CPVL: variants seen among roughly 807,000 people sequenced by gnomAD.
The protein encoded by CPVL is probable serine carboxypeptidase CPVL.
In CPVL, 51 loss-of-function variants were observed where a neutral mutation model predicts 63.7. The ratio of observed to expected loss-of-function variants is 0.80; its 90% CI spans 0.64 to 1.01. CPVL has a LOEUF of 1.01. CPVL is among the 50% of genes least tolerant of loss of function. CPVL has a pLI of 0.00. For missense variants in CPVL, 530 were observed against 573.1 expected, an observed-to-expected ratio of 0.92 and a Z score of 0.77; for synonymous variants, 195 against 206.0, an observed-to-expected ratio of 0.95 and a Z score of 0.46.
chr7:29,181,594 A>G (rs1307231624), intron 4 of CPVL, among the ~76,000 whole-genome samples: 1 of 152,346 alleles, frequency 6.6e-6, no homozygotes, highest in East Asian at 1.9e-4. Context: ...TCACATTAGG[A>G]ATCTATAAGA....
intron 7 of CPVL, among the ~76,000 whole-genome samples, chr7:29,083,304 T>A (rs1472224013): frequency 1.3e-5 from 2 of 152,246 alleles, no homozygotes; most frequent in East Asian, 3.8e-4. Context: ...TGGATCTTCC[T>A]CTGGAGACCA....
chr7:29,124,925 G>A (rs1263909188), intron 1 of CPVL: 3 of 152,056 alleles, frequency 2.0e-5, no homozygotes, highest in African/African-American at 7.2e-5. Context: ...ACCTGGGTAT[G>A]ACCTCTTCTG....
At chr7:29,004,280 G>A (rs1426510848) in intron 12 of CPVL, among the ~76,000 whole-genome samples, 2 of 152,176 alleles carry the variant, frequency 1.3e-5, no homozygotes, top group African/African-American at 4.8e-5. Context: ...ACTCAAATGA[G>A]AAGAAATCTT....
At chr7:29,093,422 A>G (rs1197428884) in intron 5 of CPVL, among the ~76,000 whole-genome samples, 1 of 151,576 alleles carries the variant, frequency 6.6e-6, no homozygotes, top group Non-Finnish European at 1.5e-5. Context: ...TAGGCTGAAG[A>G]AAAAGGTAGT....
intron 5 of CPVL, among the ~76,000 whole-genome samples, chr7:29,175,742 G>A (rs1290358755): frequency 6.6e-6 from 1 of 151,976 alleles, no homozygotes; most frequent in Non-Finnish European, 1.5e-5. Flanking sequence ...CCCAAGCGGA[G>A]CACAGGGAAA....
chr7:29,188,842 T>G (rs1799034859), intron 1 of CPVL, among the ~76,000 whole-genome samples: 2 of 152,186 alleles, frequency 1.3e-5, no homozygotes, highest in African/African-American at 4.8e-5. Flanking sequence ...AAATCATTTC[T>G]ATAGCTATTT....
intron 5 of CPVL, among the ~76,000 whole-genome samples, chr7:29,171,035 A>G (rs918212612): frequency 2.0e-5 from 3 of 152,286 alleles, no homozygotes; most frequent in East Asian, 1.9e-4. Flanking sequence ...CAGCCAAACC[A>G]TATCACTTAC....
intron 11 of CPVL, among the ~76,000 whole-genome samples, chr7:29,032,317 C>T (rs951388641): frequency 5.3e-5 from 8 of 152,076 alleles, no homozygotes; most frequent in African/African-American, 1.9e-4. Flanking sequence ...GAGCCCTGGG[C>T]CCCCACTGCA....
At chr7:29,057,267 C>T (rs2128179612) in intron 11 of CPVL, among the ~76,000 whole-genome samples, 1 of 152,244 alleles carries the variant, frequency 6.6e-6, no homozygotes, top group East Asian at 1.9e-4. Flanking sequence ...AACATCTTTT[C>T]ATATGTTTAC....
intron 12 of CPVL, among the ~76,000 whole-genome samples, chr7:29,015,658 G>A (rs953172143): frequency 6.6e-6 from 1 of 152,182 alleles, no homozygotes; most frequent in African/African-American, 2.4e-5. Flanking sequence ...AAATTACCCT[G>A]TCTCAGGTAT....
At chr7:29,022,571 G>A (rs554560253) in intron 12 of CPVL, among the ~76,000 whole-genome samples, 1 of 152,322 alleles carries the variant, frequency 6.6e-6, no homozygotes, top group South Asian at 2.1e-4. Flanking sequence ...TCTAGGGATT[G>A]ACCTACCCCA....
intron 3 of CPVL, among the ~76,000 whole-genome samples, chr7:29,100,828 C>G (rs553945130): frequency 6.6e-6 from 1 of 152,330 alleles, no homozygotes; most frequent in South Asian, 2.1e-4. Context: ...ACACATACAT[C>G]TTTCTACTTT....
chr7:29,128,404 G>A (rs161438), intron 1 of CPVL, among the ~76,000 whole-genome samples: 92,935 of 151,822 alleles, frequency 0.61, 29,031 homozygotes, highest in East Asian at 0.82. Context: ...TGAGTGCTTC[G>A]CTTCATGAGT....
intron 5 of CPVL, among the ~76,000 whole-genome samples, chr7:29,154,038 T>C (rs1304529606): frequency 2.0e-5 from 3 of 152,218 alleles, no homozygotes; most frequent in African/African-American, 7.2e-5. Flanking sequence ...TCAAAAGTTA[T>C]ATGTGCATTT....
chr7:29,072,931 C>T (rs1360938001), intron 7 of CPVL, among the ~76,000 whole-genome samples: 1 of 152,190 alleles, frequency 6.6e-6, no homozygotes, highest in African/African-American at 2.4e-5. Flanking sequence ...TATTTCCAAA[C>T]TTTTCCAGCA....
chr7:29,037,450 G>A (rs1211272659), intron 11 of CPVL, among the ~76,000 whole-genome samples: 2 of 151,214 alleles, frequency 1.3e-5, no homozygotes, highest in Non-Finnish European at 2.9e-5. Flanking sequence ...CTACTTGGGA[G>A]GCTGAGGCAG....
chr7:29,068,773 C>T (rs1357000432), intron 9 of CPVL, among the ~76,000 whole-genome samples: 1 of 150,028 alleles, frequency 6.7e-6, no homozygotes, highest in Non-Finnish European at 1.5e-5. Flanking sequence ...TGGCTCACTG[C>T]AAGCTCCGCC....
chr7:29,177,276 CAG>C (rs1195827456), intron 5 of CPVL, among the ~76,000 whole-genome samples: 19 of 149,726 alleles, frequency 1.3e-4, no homozygotes, highest in African/African-American at 4.7e-4. Context: ...TGTTTTGAGA[CAG>C]AGTCTCACTC....
intron 3 of CPVL, among the ~76,000 whole-genome samples, chr7:29,105,921 A>T (rs371954724): frequency 5.3e-5 from 8 of 152,350 alleles, no homozygotes; most frequent in African/African-American, 1.7e-4. Flanking sequence ...ACATACATAT[A>T]CAAAGAGAAT....
Sources: allele counts gnomAD v4.1 joint callset (sites outside exome capture counted in the v4.1 genomes callset), GRCh38; gene constraint gnomAD v4.1.1; transcripts MANE v1.5; gene names NCBI Gene and HGNC (gene_info 2026-07-23, HGNC 2026-07-21).